The following UNC13C variants were observed in gnomAD, a reference collection of about 807,000 sequenced individuals.
The protein encoded by UNC13C is protein unc-13 homolog C.
A neutral mutation model predicts 245.4 loss-of-function variants in UNC13C; 174 were observed. That is an observed-to-expected ratio of 0.71 (90% CI 0.63 to 0.80). UNC13C has a LOEUF of 0.80. UNC13C is among the 30% of genes least tolerant of loss of function. The pLI, the probability that UNC13C is intolerant of heterozygous loss-of-function variation, is 0.00. For missense variants in UNC13C, 2,829 were observed against 2,602.9 expected (o/e 1.09, Z -1.89); for synonymous variants, 992 against 895.1 (o/e 1.11, Z -1.93).
At chr15:54,411,876 A>T (rs1394789252) in intron 18 of UNC13C, among the ~76,000 whole-genome samples, 1 of 152,206 alleles carries the variant, frequency 6.6e-6, no homozygotes, top group Non-Finnish European at 1.5e-5. Flanking sequence ...TCTATGAATC[A>T]ATTTGAGAAA....
chr15:53,921,694 A>G, the UNC13C span, among the ~76,000 whole-genome samples: 1 of 152,184 alleles, frequency 6.6e-6, no homozygotes, highest in Non-Finnish European at 1.5e-5. Context: ...GGAGATAGTG[A>G]TGAGTGGAGT....
chr15:53,872,648 C>G, the UNC13C span, among the ~76,000 whole-genome samples: 4 of 152,154 alleles, frequency 2.6e-5, no homozygotes, highest in Non-Finnish European at 4.4e-5. Flanking sequence ...GTCTTACAAT[C>G]TACCCACAGA....
At chr15:53,880,091 C>G in the UNC13C span, among the ~76,000 whole-genome samples, 1 of 152,038 alleles carries the variant, frequency 6.6e-6, no homozygotes. Flanking sequence ...GGGCCACTAT[C>G]ATGTCCATTT....
At chr15:54,210,119 G>A (rs552492358) in intron 4 of UNC13C, among the ~76,000 whole-genome samples, 7 of 151,128 alleles carry the variant, frequency 4.6e-5, no homozygotes, top group Admixed American at 1.3e-4. Flanking sequence ...TACTCATGAA[G>A]AATCTCGTAT....
the UNC13C span, among the ~76,000 whole-genome samples, chr15:53,944,369 G>A: frequency 6.6e-6 from 1 of 151,992 alleles, no homozygotes; most frequent in East Asian, 1.9e-4. Context: ...ACTAGGCCTA[G>A]TACCCAATGG....
At chr15:54,334,097 C>T (rs1006933866) in intron 16 of UNC13C, among the ~76,000 whole-genome samples, 11 of 152,222 alleles carry the variant, frequency 7.2e-5, no homozygotes, top group Non-Finnish European at 1.0e-4. Flanking sequence ...TTAAATTTGT[C>T]TTAGAGAAAG....
intron 4 of UNC13C, among the ~76,000 whole-genome samples, chr15:54,201,069 A>G (rs1395782354): frequency 6.6e-6 from 1 of 152,070 alleles, no homozygotes; most frequent in South Asian, 2.1e-4. Flanking sequence ...CCTAAAGGAG[A>G]TGGATAAATT....
chr15:54,166,736 A>G (rs1001538677), intron 4 of UNC13C, among the ~76,000 whole-genome samples: 1 of 152,214 alleles, frequency 6.6e-6, no homozygotes, highest in Non-Finnish European at 1.5e-5. Flanking sequence ...AGAATTTCAT[A>G]TAATTGTATC....
chr15:54,038,961 A>G (rs11855892), intron 2 of UNC13C, among the ~76,000 whole-genome samples: 14,529 of 152,174 alleles, frequency 0.095, 887 homozygotes, highest in Middle Eastern at 0.18. Context: ...TGGTTGTACT[A>G]TCTTGGGCCA....
the UNC13C span, among the ~76,000 whole-genome samples, chr15:53,939,683 A>G: frequency 4.6e-5 from 7 of 152,230 alleles, no homozygotes; most frequent in African/African-American, 1.7e-4. Flanking sequence ...TTGGTTCAAC[A>G]TATGCAAATT....
intron 2 of UNC13C, among the ~76,000 whole-genome samples, chr15:54,141,726 T>C (rs933760094): frequency 3.3e-5 from 5 of 152,062 alleles, no homozygotes; most frequent in Admixed American, 3.3e-4. Context: ...TTTTATTTAT[T>C]TTATATAGTA....
intron 1 of UNC13C, among the ~76,000 whole-genome samples, chr15:54,002,961 GTATGAAC>G (rs1894964169): frequency 6.6e-6 from 1 of 151,914 alleles, no homozygotes; most frequent in African/African-American, 2.4e-5. Context: ...CAGCTCTGCT[GTATGAAC>G]TAAGGCAAGT....
chr15:54,262,367 T>C (rs2036447974), intron 8 of UNC13C, among the ~76,000 whole-genome samples: 1 of 152,210 alleles, frequency 6.6e-6, no homozygotes, highest in Non-Finnish European at 1.5e-5. Flanking sequence ...TGCCTGGCTG[T>C]CACAGACCAA....
chr15:54,340,854 C>G (rs1357777438), intron 17 of UNC13C, among the ~76,000 whole-genome samples: 2 of 152,012 alleles, frequency 1.3e-5, no homozygotes. Flanking sequence ...GGAATTGCAT[C>G]AAATTTGCAG....
At chr15:53,886,844 AATAC>A in the UNC13C span, among the ~76,000 whole-genome samples, 1 of 152,154 alleles carries the variant, frequency 6.6e-6, no homozygotes, top group Non-Finnish European at 1.5e-5. Context: ...ACCTCCCGCA[AATAC>A]ATGACTCCAG....
At chr15:54,145,422 C>G (rs1277878153) in intron 4 of UNC13C, among the ~76,000 whole-genome samples, 1 of 151,990 alleles carries the variant, frequency 6.6e-6, no homozygotes, top group Admixed American at 6.6e-5. Flanking sequence ...GATGTTATTT[C>G]TGTTACATCT....
At chr15:54,416,464 C>G (rs1038988000) in intron 19 of UNC13C, among the ~76,000 whole-genome samples, 2 of 152,124 alleles carry the variant, frequency 1.3e-5, no homozygotes, top group Admixed American at 1.3e-4. Flanking sequence ...CAGAACTGCT[C>G]AGAGGTACAA....
intron 10 of UNC13C, among the ~76,000 whole-genome samples, chr15:54,281,205 C>T (rs2036987808): frequency 6.6e-6 from 1 of 152,010 alleles, no homozygotes; most frequent in Non-Finnish European, 1.5e-5. Context: ...ATTATTTTTC[C>T]AAAACTTTTA....
At chr15:53,929,425 A>G in the UNC13C span, among the ~76,000 whole-genome samples, 4 of 152,136 alleles carry the variant, frequency 2.6e-5, no homozygotes, top group Non-Finnish European at 5.9e-5. Flanking sequence ...ATCACCAGAG[A>G]CTTTTTTGGT....
Sources: allele counts gnomAD v4.1 joint callset (sites outside exome capture counted in the v4.1 genomes callset), GRCh38; gene constraint gnomAD v4.1.1; transcripts MANE v1.5; gene names NCBI Gene and HGNC (gene_info 2026-07-23, HGNC 2026-07-21).